EDIL3: variants seen among roughly 807,000 people sequenced by gnomAD.
EDIL3 encodes EGF-like repeat and discoidin I-like domain-containing protein 3.
Under a neutral mutation model 67.4 loss-of-function variants are expected in EDIL3, and 37 were observed. The observed-to-expected ratio is 0.55, with a 90% CI of 0.42 to 0.72. The LOEUF is 0.72. EDIL3 is among the 30% of genes least tolerant of loss of function. The probability of loss-of-function intolerance (pLI) is 0.00; values close to 1 mark genes in which losing one functional copy is unlikely to be tolerated. For missense variants in EDIL3, 527 were observed against 586.3 expected (o/e 0.90, Z 1.04); for synonymous variants, 195 against 196.3 (o/e 0.99, Z 0.05).
At chr5:84,251,139 G>T (rs1407505199) in intron 2 of EDIL3, among the ~76,000 whole-genome samples, 1 of 152,062 alleles carries the variant, frequency 6.6e-6, no homozygotes, top group Non-Finnish European at 1.5e-5. Flanking sequence ...TTGAGATGGA[G>T]TCTCTCTCTG....
At chr5:84,048,379 A>G in intron 9 of EDIL3, 2 of 267,660 alleles carry the variant, frequency 7.5e-6, no homozygotes, top group Non-Finnish European at 1.5e-5. Context: ...ACTAAATTAA[A>G]TAAGGCTTAT....
chr5:84,377,320 A>C (rs1288998298), intron 1 of EDIL3, among the ~76,000 whole-genome samples: 1 of 152,224 alleles, frequency 6.6e-6, no homozygotes, highest in South Asian at 2.1e-4. Flanking sequence ...AAAAAAAAAA[A>C]AAAAAAGAGT....
In EDIL3 at chr5:84,259,247, C is replaced by G. The variant is rs559045772; in HGVS notation, c.68-5035G>C. ...GTACTGAGATTACAGGCGTGAGCCA[C>G]CACACCTGGTCTGGTAAAGTCTTTT... On this transcript the variant is annotated intron_variant, in intron 1 of 10. Coordinates refer to ENST00000296591, the MANE Select transcript of EDIL3 (RefSeq NM_005711.5). Among the ~76,000 whole-genome samples, 8 of 152,232 alleles carry G rather than the reference C, an allele frequency of 5.3e-5. No homozygotes were observed. The South Asian group carries it at 1.7e-3, about 32-fold the overall frequency.
intron 4 of EDIL3, among the ~76,000 whole-genome samples, chr5:84,175,631 T>C (rs1748888843): frequency 6.6e-6 from 1 of 152,144 alleles, no homozygotes; most frequent in South Asian, 2.1e-4. Flanking sequence ...TGAGAAACCT[T>C]AGGCACAGAT....
intron 3 of EDIL3, among the ~76,000 whole-genome samples, chr5:84,202,236 C>T (rs972980776): frequency 1.3e-5 from 2 of 152,108 alleles, no homozygotes; most frequent in African/African-American, 2.4e-5. Flanking sequence ...GTGGGAGAAA[C>T]TGCTGAGATG....
At chr5:84,176,122 A>C (rs970771912) in intron 4 of EDIL3, among the ~76,000 whole-genome samples, 1 of 148,136 alleles carries the variant, frequency 6.8e-6, no homozygotes, top group Non-Finnish European at 1.5e-5. Context: ...AGTAGTTAGA[A>C]TATACAAAGA....
intron 6 of EDIL3, among the ~76,000 whole-genome samples, chr5:84,076,061 T>A (rs1003013622): frequency 6.6e-6 from 1 of 151,214 alleles, no homozygotes; most frequent in African/African-American, 2.4e-5. Context: ...AATATTACCA[T>A]TAACACTACA....
chr5:84,181,746 A>G (rs75261261), intron 3 of EDIL3, among the ~76,000 whole-genome samples: 13 of 152,326 alleles, frequency 8.5e-5, no homozygotes, highest in Non-Finnish European at 1.2e-4. Flanking sequence ...AAGTTGAAGG[A>G]AGGAAAAGCT....
chr5:84,374,996 G>A (rs977149442), intron 1 of EDIL3, among the ~76,000 whole-genome samples: 3 of 147,368 alleles, frequency 2.0e-5, no homozygotes, highest in African/African-American at 5.0e-5. Context: ...TTTTTCAGAC[G>A]GAGTCTCTCT....
chr5:84,111,062 C>A (rs1024102761), intron 5 of EDIL3, among the ~76,000 whole-genome samples: 15 of 152,042 alleles, frequency 9.9e-5, no homozygotes, highest in African/African-American at 2.7e-4. Context: ...CTCATGAGAT[C>A]TGGTGGTTTA....
At chr5:84,376,728 T>A (rs1464726865) in intron 1 of EDIL3, among the ~76,000 whole-genome samples, 1 of 152,168 alleles carries the variant, frequency 6.6e-6, no homozygotes, top group Non-Finnish European at 1.5e-5. Flanking sequence ...GGCAAACTGA[T>A]GGGGGTGGGT....
intron 4 of EDIL3, among the ~76,000 whole-genome samples, chr5:84,149,050 G>T (rs983716996): frequency 1.3e-5 from 2 of 151,670 alleles, no homozygotes; most frequent in African/African-American, 4.8e-5. Flanking sequence ...AGACACAAAG[G>T]ACTCTCCCTC....
chr5:84,107,344 C>T (rs1747483033), intron 5 of EDIL3, among the ~76,000 whole-genome samples: 9 of 151,660 alleles, frequency 5.9e-5, no homozygotes, highest in Admixed American at 5.9e-4. Context: ...AGTTATGCTT[C>T]CACAACAAAA....
chr5:84,028,916 G>A (rs1580287352), intron 9 of EDIL3, among the ~76,000 whole-genome samples: 2 of 152,182 alleles, frequency 1.3e-5, no homozygotes, highest in Non-Finnish European at 2.9e-5. Context: ...AATCATGGGG[G>A]CAAGTCTTTC....
intron 9 of EDIL3, among the ~76,000 whole-genome samples, chr5:83,998,687 TG>T (rs905451116): frequency 6.6e-6 from 1 of 152,196 alleles, no homozygotes; most frequent in African/African-American, 2.4e-5. Context: ...AAACCAGCCC[TG>T]GGGCAAGAAG....
At chr5:84,271,376 T>C (rs1297017726) in intron 1 of EDIL3, among the ~76,000 whole-genome samples, 1 of 151,000 alleles carries the variant, frequency 6.6e-6, no homozygotes, top group African/African-American at 2.4e-5. Flanking sequence ...ATTGCGCCAC[T>C]GCACTCCAGC....
intron 1 of EDIL3, among the ~76,000 whole-genome samples, chr5:84,362,572 A>AT: frequency 6.6e-6 from 1 of 152,166 alleles, no homozygotes; most frequent in African/African-American, 2.4e-5. Flanking sequence ...AACAAACCTG[A>AT]GAAGTCCCTG....
At chr5:84,307,987 A>G (rs1746307522) in intron 1 of EDIL3, among the ~76,000 whole-genome samples, 1 of 152,194 alleles carries the variant, frequency 6.6e-6, no homozygotes. Flanking sequence ...TACTCAGTAA[A>G]AAATCTGAAG....
intron 9 of EDIL3, among the ~76,000 whole-genome samples, chr5:83,987,869 G>GTGTATATATATATA (rs1418733698): frequency 7.2e-6 from 1 of 138,426 alleles, no homozygotes; most frequent in African/African-American, 2.9e-5. Context: ...GTGTGTGTAT[G>GTGTATATATATATA]TATATATATA....
Sources: gnomAD v4.1 joint callset for allele counts (sites outside exome capture counted in the v4.1 genomes callset) on GRCh38, gnomAD v4.1.1 for gene constraint, MANE v1.5 for transcripts, NCBI Gene and HGNC (gene_info 2026-07-23, HGNC 2026-07-21) for gene names.